The following KCNT2 variants were observed in gnomAD, a reference collection of about 807,000 sequenced individuals.
KCNT2 encodes potassium channel subfamily T member 2.
Under a neutral mutation model 153.8 loss-of-function variants are expected in KCNT2, and 67 were observed. The observed-to-expected ratio is 0.44, with a 90% CI of 0.36 to 0.53. KCNT2 has a LOEUF of 0.53. Ranked by LOEUF, KCNT2 falls within the 20% of genes least tolerant of loss-of-function variation. KCNT2 has a pLI of 0.00. For synonymous variants in KCNT2, 500 were observed against 458.8 expected (o/e 1.09, Z -1.15); for missense variants, 975 against 1,354.8 (o/e 0.72, Z 4.40).
At chr1:196,259,475 G>C (rs1656812011) in intron 25 of KCNT2, 1 of 152,080 alleles carries the variant, frequency 6.6e-6, no homozygotes, top group Admixed American at 6.6e-5. Context: ...TTGTACTTAA[G>C]AGCAGCATTC....
intron 1 of KCNT2, among the ~76,000 whole-genome samples, chr1:196,562,974 G>A (rs112364025): frequency 0.058 from 8,776 of 151,850 alleles, 393 homozygotes; most frequent in Non-Finnish European, 0.085. Context: ...TTAACATAAA[G>A]GAGTAAATAC....
At chr1:196,229,965 G>A (rs143435000) in intron 27 of KCNT2, among the ~76,000 whole-genome samples, 4 of 152,018 alleles carry the variant, frequency 2.6e-5, no homozygotes, top group Non-Finnish European at 4.4e-5. Context: ...TAACATAAAC[G>A]TGCAAGATGA....
In KCNT2 at chr1:196,342,099, G is replaced by T. The variant is rs753076616; in HGVS notation, c.1533C>A (p.Ala511=). The T allele has an allele frequency of 7.5e-6, 12 of 1,605,188 alleles. No individual in the cohort carries two copies. The highest frequency in any genetic ancestry group is 1.0e-5 in the Non-Finnish European group (12 of 1,175,800). ...AEYEGKSFTY[A]SFHAHKKFGV... is the part of the protein sequence containing the mutation. ...CATACTTTTTGTGTGCATGGAAAGA[G>T]GCATATGTAAAACTCTTTCCTTCAT... Residue 511 remains alanine (A), a synonymous_variant, in exon 15 of 28, where the codon GCC becomes GCA. Transcript: ENST00000294725.
intron 1 of KCNT2, among the ~76,000 whole-genome samples, chr1:196,494,547 A>G (rs959820365): frequency 1.3e-5 from 2 of 151,932 alleles, no homozygotes; most frequent in Admixed American, 1.3e-4. Context: ...TACAGGCGCC[A>G]GCCACCATGC....
intron 13 of KCNT2, among the ~76,000 whole-genome samples, chr1:196,383,078 C>G (rs1333907545): frequency 6.6e-6 from 1 of 152,108 alleles, no homozygotes; most frequent in Non-Finnish European, 1.5e-5. Context: ...CTAGGGAGTT[C>G]AGGTTCCTTA....
intron 12 of KCNT2, among the ~76,000 whole-genome samples, chr1:196,399,718 C>G (rs1671250395): frequency 6.6e-6 from 1 of 151,712 alleles, no homozygotes; most frequent in Admixed American, 6.6e-5. Context: ...ATGTTGAAAT[C>G]CTACCCTGCA....
intron 26 of KCNT2, among the ~76,000 whole-genome samples, chr1:196,243,690 C>T (rs909769905): frequency 2.0e-5 from 3 of 152,192 alleles, no homozygotes; most frequent in African/African-American, 7.2e-5. Context: ...GCAGTCAGAA[C>T]CTGAGTTCTG....
Position 196,299,390 on chromosome 1 carries a change from C to A in KCNT2, c.2595+5844G>T, listed in dbSNP as rs537497283. Among the ~76,000 whole-genome samples the A allele has an allele frequency of 3.3e-5, 5 of 151,454 alleles. No homozygotes were observed. In the South Asian group the frequency reaches 1.0e-3, roughly 32 times the overall value. On this transcript the variant is annotated intron_variant, in intron 22 of 27. Transcript: ENST00000294725. ...AAATCAGCAAAAAAAAGTGGGCAAA[C>A]AATAAAAGAAAGGTCAGATGAAAAG...
chr1:196,576,354 T>C (rs1290030903), intron 1 of KCNT2, among the ~76,000 whole-genome samples: 2 of 152,074 alleles, frequency 1.3e-5, no homozygotes, highest in African/African-American at 2.4e-5. Flanking sequence ...ACAAGCAGTA[T>C]TGTCACTAGA....
chr1:196,517,634 A>G (rs538934699), intron 1 of KCNT2, among the ~76,000 whole-genome samples: 9 of 152,376 alleles, frequency 5.9e-5, no homozygotes, highest in African/African-American at 2.2e-4. Flanking sequence ...AATCGCAAGT[A>G]TTAACAGCAG....
chr1:196,327,233 A>G (rs560802006), intron 18 of KCNT2, among the ~76,000 whole-genome samples: 1 of 152,182 alleles, frequency 6.6e-6, no homozygotes, highest in East Asian at 1.9e-4. Flanking sequence ...ATTTCCAGAA[A>G]TATAGTAATA....
At chr1:196,453,868 C>G (rs954888507) in intron 8 of KCNT2, among the ~76,000 whole-genome samples, 4 of 151,938 alleles carry the variant, frequency 2.6e-5, no homozygotes, top group Non-Finnish European at 5.9e-5. Flanking sequence ...CATTATCTTT[C>G]TCTACTTGCT....
chr1:196,229,330 A>G (rs1182187745), intron 27 of KCNT2, among the ~76,000 whole-genome samples: 1 of 151,954 alleles, frequency 6.6e-6, no homozygotes, highest in African/African-American at 2.4e-5. Context: ...TGATGTTCCT[A>G]TTGTAATTGT....
rs1192262157 is a variant in KCNT2 at position 196,396,801 on chromosome 1, A to G, written c.1294+1762T>C. Among the ~76,000 whole-genome samples, 4 of 151,580 alleles carry G rather than the reference A, an allele frequency of 2.6e-5. No homozygotes were observed. The Admixed American group carries it at 2.6e-4, about 10-fold the overall frequency. On this transcript the variant is annotated intron_variant, in intron 13 of 27. Coordinates refer to ENST00000294725, the MANE Select transcript of KCNT2 (RefSeq NM_198503.5). ...GTATTATTAAAATAATGACAAAATG[A>G]GAATCAGAAAATAGATTAATACAAA...
intron 12 of KCNT2, among the ~76,000 whole-genome samples, chr1:196,405,784 G>A (rs931941241): frequency 1.3e-5 from 2 of 151,280 alleles, no homozygotes; most frequent in Non-Finnish European, 3.0e-5. Flanking sequence ...TTATTCATTG[G>A]ACACTTTATT....
chr1:196,521,712 A>G (rs975793470), intron 1 of KCNT2, among the ~76,000 whole-genome samples: 1 of 152,064 alleles, frequency 6.6e-6, no homozygotes, highest in Non-Finnish European at 1.5e-5. Flanking sequence ...AATACCAAAA[A>G]CCATATGTTC....
chr1:196,409,206 T>C (rs115226970), intron 12 of KCNT2, among the ~76,000 whole-genome samples: 2,111 of 151,472 alleles, frequency 0.014, 51 homozygotes, highest in African/African-American at 0.048. Context: ...ATTTGTGCAG[T>C]GTATCATTTT....
chr1:196,272,006 A>G (rs1412791460), intron 25 of KCNT2, among the ~76,000 whole-genome samples: 2 of 151,938 alleles, frequency 1.3e-5, no homozygotes, highest in African/African-American at 4.8e-5. Flanking sequence ...CTCACTCCAC[A>G]CATCTCTGCC....
At chr1:196,431,700 TTG>T (rs1166276915) in intron 8 of KCNT2, among the ~76,000 whole-genome samples, 1 of 152,110 alleles carries the variant, frequency 6.6e-6, no homozygotes. Flanking sequence ...AGGCGATGTA[TTG>T]TGTTTCTTGA....
Sources: allele counts gnomAD v4.1 joint callset (sites outside exome capture counted in the v4.1 genomes callset), GRCh38; gene constraint gnomAD v4.1.1; transcripts MANE v1.5; gene names NCBI Gene and HGNC (gene_info 2026-07-23, HGNC 2026-07-21).